Variants in AGBL4 observed in about 807,000 individuals in gnomAD.
AGBL4 encodes the protein AGBL carboxypeptidase 4.
In AGBL4, 58 loss-of-function variants were observed where a neutral mutation model predicts 66.4. That is an observed-to-expected ratio of 0.87 (90% CI 0.71 to 1.09). The LOEUF is 1.09. Among genes scored for constraint, AGBL4 ranks in the 50% least tolerant of loss-of-function variants. The pLI is 0.00. For synonymous variants in AGBL4, 234 were observed against 222.9 expected (o/e 1.05, Z -0.44); for missense variants, 579 against 631.0 (o/e 0.92, Z 0.88).
intron 3 of AGBL4, among the ~76,000 whole-genome samples, chr1:49,682,577 A>T (rs949072125): frequency 6.6e-6 from 1 of 152,160 alleles, no homozygotes; most frequent in Non-Finnish European, 1.5e-5. Flanking sequence ...AATAGCTTAC[A>T]TGTTAGTAAT....
At chr1:49,807,312 T>G (rs1359160485) in intron 2 of AGBL4, among the ~76,000 whole-genome samples, 1 of 152,180 alleles carries the variant, frequency 6.6e-6, no homozygotes, top group African/African-American at 2.4e-5. Flanking sequence ...CAAGTAAAGC[T>G]GCAGAAATAG....
intron 6 of AGBL4, among the ~76,000 whole-genome samples, chr1:48,664,663 TG>T (rs1646158238): frequency 1.3e-5 from 2 of 152,078 alleles, no homozygotes; most frequent in Admixed American, 1.3e-4. Flanking sequence ...AGTAGGAAAA[TG>T]TGGCTCCAAA....
At chr1:48,707,639 T>C (rs1390982144) in intron 6 of AGBL4, among the ~76,000 whole-genome samples, 1 of 152,158 alleles carries the variant, frequency 6.6e-6, no homozygotes, top group Non-Finnish European at 1.5e-5. Context: ...GTGTGCTTTG[T>C]GGTGAAGTCT....
chr1:48,632,431 C>T (rs905762273), intron 9 of AGBL4, among the ~76,000 whole-genome samples: 4 of 152,114 alleles, frequency 2.6e-5, no homozygotes, highest in South Asian at 4.1e-4. Context: ...AATGGTATGC[C>T]GAAGCCTTTT....
intron 1 of AGBL4, among the ~76,000 whole-genome samples, chr1:49,965,157 C>T (rs1571973175): frequency 6.6e-6 from 1 of 152,148 alleles, no homozygotes; most frequent in African/African-American, 2.4e-5. Context: ...CCATGGAAAT[C>T]AATGATTGCC....
intron 3 of AGBL4, among the ~76,000 whole-genome samples, chr1:49,563,387 A>G (rs1423665365): frequency 1.3e-5 from 2 of 152,088 alleles, no homozygotes; most frequent in Non-Finnish European, 2.9e-5. Context: ...GTCTTGTGCC[A>G]GTTTTCAAAG....
intron 3 of AGBL4, among the ~76,000 whole-genome samples, chr1:49,479,795 G>A (rs1391859271): frequency 6.7e-6 from 1 of 149,852 alleles, no homozygotes; most frequent in South Asian, 2.1e-4. Context: ...TCCGCCTCCC[G>A]GGTTCACACC....
intron 5 of AGBL4, among the ~76,000 whole-genome samples, chr1:49,037,170 C>A (rs1571291182): frequency 6.6e-6 from 1 of 152,068 alleles, no homozygotes; most frequent in East Asian, 1.9e-4. Context: ...TCCCTATAAT[C>A]TTTGGCAGCT....
At chr1:48,974,329 G>A (rs1470623401) in intron 5 of AGBL4, among the ~76,000 whole-genome samples, 1 of 152,096 alleles carries the variant, frequency 6.6e-6, no homozygotes, top group Non-Finnish European at 1.5e-5. Flanking sequence ...TTTTGTGAGG[G>A]CAGCCTATGG....
At chr1:49,874,819 G>C (rs1003753773) in intron 1 of AGBL4, among the ~76,000 whole-genome samples, 4 of 151,706 alleles carry the variant, frequency 2.6e-5, no homozygotes, top group Admixed American at 1.3e-4. Context: ...TTTTTGTTTT[G>C]TTTTGTTTTA....
intron 6 of AGBL4, among the ~76,000 whole-genome samples, chr1:48,807,901 C>T (rs537682266): frequency 3.0e-4 from 46 of 152,180 alleles, no homozygotes; most frequent in African/African-American, 1.1e-3. Flanking sequence ...GTAGAGAAAA[C>T]TGCATCATCT....
At chr1:49,027,246 C>CG (rs1235499040) in intron 5 of AGBL4, among the ~76,000 whole-genome samples, 2 of 151,888 alleles carry the variant, frequency 1.3e-5, no homozygotes, top group Non-Finnish European at 2.9e-5. Context: ...CTACAACCTC[C>CG]GCCTCCCAGG....
At chr1:48,774,029 T>G (rs1430291521) in intron 6 of AGBL4, among the ~76,000 whole-genome samples, 1 of 152,220 alleles carries the variant, frequency 6.6e-6, no homozygotes, top group African/African-American at 2.4e-5. Context: ...TAAAAAGAAG[T>G]ATACTTCAAG....
At chr1:49,214,775 A>T (rs1185058179) in intron 4 of AGBL4, among the ~76,000 whole-genome samples, 1 of 152,124 alleles carries the variant, frequency 6.6e-6, no homozygotes. Context: ...TTTAGAAAAA[A>T]GATTGAAATG....
intron 1 of AGBL4, among the ~76,000 whole-genome samples, chr1:49,887,121 T>A (rs1648123435): frequency 6.8e-6 from 1 of 147,934 alleles, no homozygotes; most frequent in African/African-American, 2.4e-5. Context: ...TGTAATAAAG[T>A]GCTTTACATT....
intron 5 of AGBL4, among the ~76,000 whole-genome samples, chr1:48,990,360 T>C (rs1216836366): frequency 6.6e-6 from 1 of 152,202 alleles, no homozygotes; most frequent in Non-Finnish European, 1.5e-5. Context: ...TTTGATTGTT[T>C]CCTTTGCTGT....
chr1:48,801,972 A>T (rs745694940), intron 6 of AGBL4, among the ~76,000 whole-genome samples: 2 of 150,990 alleles, frequency 1.3e-5, no homozygotes, highest in African/African-American at 2.4e-5. Flanking sequence ...TCCAGCTGGC[A>T]CTTTCTAACA....
chr1:49,290,416 G>C (rs1469475694), intron 3 of AGBL4, among the ~76,000 whole-genome samples: 1 of 152,138 alleles, frequency 6.6e-6, no homozygotes, highest in East Asian at 1.9e-4. Flanking sequence ...TTGTGCCTGA[G>C]TCACACAGTC....
At chr1:49,180,349 G>T (rs1171498005) in intron 4 of AGBL4, among the ~76,000 whole-genome samples, 1 of 151,980 alleles carries the variant, frequency 6.6e-6, no homozygotes, top group Non-Finnish European at 1.5e-5. Flanking sequence ...ATAAATATTA[G>T]GTATCAACCA....
Sources: gnomAD v4.1 joint callset for allele counts (sites outside exome capture counted in the v4.1 genomes callset) on GRCh38, gnomAD v4.1.1 for gene constraint, MANE v1.5 for transcripts, NCBI Gene and HGNC (gene_info 2026-07-23, HGNC 2026-07-21) for gene names.